Variants in THRB observed in about 807,000 individuals in gnomAD.
THRB encodes nuclear receptor subfamily 1 group A member 2.
In THRB, 12 loss-of-function variants were observed where a neutral mutation model predicts 47.8. That is an observed-to-expected ratio of 0.25 (90% CI 0.16 to 0.41). THRB has a LOEUF of 0.41. THRB is among the 10% of genes least tolerant of loss of function. The pLI is 1.00. For synonymous variants in THRB, 218 were observed against 212.2 expected, an observed-to-expected ratio of 1.03 and a Z score of -0.24; for missense variants, 348 against 589.2, an observed-to-expected ratio of 0.59 and a Z score of 4.24.
intron 4 of THRB, among the ~76,000 whole-genome samples, chr3:24,205,951 C>A (rs1366000706): frequency 2.0e-5 from 3 of 152,196 alleles, no homozygotes; most frequent in Non-Finnish European, 4.4e-5. Context: ...GAAGAGCTAA[C>A]TATCCTAAAT....
At chr3:24,269,375 A>T in intron 3 of THRB, among the ~76,000 whole-genome samples, 1 of 125,668 alleles carries the variant, frequency 8.0e-6, no homozygotes, top group Non-Finnish European at 1.6e-5. Flanking sequence ...ATCATAGCTC[A>T]TCATAGCTCA....
intron 1 of THRB, among the ~76,000 whole-genome samples, chr3:24,423,758 G>A (rs1465613560): frequency 6.6e-6 from 1 of 151,590 alleles, no homozygotes; most frequent in Non-Finnish European, 1.5e-5. Context: ...ACTTTTTATG[G>A]CCATCTATTT....
chr3:24,480,613 G>A (rs559616640), intron 1 of THRB, among the ~76,000 whole-genome samples: 24 of 152,132 alleles, frequency 1.6e-4, no homozygotes, highest in African/African-American at 7.2e-5. Context: ...ATAATTCTAA[G>A]AGGCAAAGAG....
intron 2 of THRB, among the ~76,000 whole-genome samples, chr3:24,299,523 A>G (rs1245416900): frequency 1.3e-5 from 2 of 151,934 alleles, no homozygotes; most frequent in African/African-American, 4.8e-5. Context: ...TATCCTATAC[A>G]ATATGCAAAA....
chr3:24,270,637 G>A (rs565725316), intron 3 of THRB, among the ~76,000 whole-genome samples: 20 of 152,322 alleles, frequency 1.3e-4, no homozygotes, highest in Admixed American at 2.0e-4. Context: ...GCTAACGGGG[G>A]TCAGTTCATC....
rs2037098297 is a variant in THRB at position 24,152,373 on chromosome 3, G to C, written c.384+17C>G. 3 of 1,512,448 alleles carry C rather than the reference G, an allele frequency of 2.0e-6. No homozygotes were observed. The highest frequency in any genetic ancestry group is 2.7e-5 in the African/African-American group (2 of 72,962). The allele number at this position is 1,512,448 out of a possible 1,614,324, so 93.7% of individuals were successfully genotyped here. A position where few individuals can be genotyped will look rare whatever the true frequency, so the allele number is the denominator to read the frequency against. ...GAGCTGGGCTAAGCTCTGTGCTTGT[G>C]GACCCAGGGCAATTACCTTGCAGCC... On this transcript the variant is annotated intron_variant, in intron 6 of 10. Coordinates refer to ENST00000646209, the MANE Select transcript of THRB (RefSeq NM_001354712.2).
intron 1 of THRB, among the ~76,000 whole-genome samples, chr3:24,415,319 G>T (rs2068647481): frequency 6.6e-6 from 1 of 151,792 alleles, no homozygotes; most frequent in Non-Finnish European, 1.5e-5. Context: ...CTTCATATCT[G>T]ATCCAAGAAT....
intron 1 of THRB, among the ~76,000 whole-genome samples, chr3:24,360,924 C>T (rs967343809): frequency 1.3e-5 from 2 of 152,108 alleles, no homozygotes; most frequent in African/African-American, 2.4e-5. Flanking sequence ...GCTCGAACAT[C>T]AGTATTTTTG....
chr3:24,271,701 A>C (rs1209335746), intron 3 of THRB, among the ~76,000 whole-genome samples: 2 of 152,128 alleles, frequency 1.3e-5, no homozygotes, highest in Non-Finnish European at 2.9e-5. Flanking sequence ...CTCATAGCCT[A>C]ATTTCTTAAT....
At chr3:24,206,911 A>G (rs1040912931) in intron 4 of THRB, among the ~76,000 whole-genome samples, 1 of 152,210 alleles carries the variant, frequency 6.6e-6, no homozygotes, top group Non-Finnish European at 1.5e-5. Context: ...AAATGGATAA[A>G]TTCCTGGACA....
At chr3:24,286,843 T>C (rs964032644) in intron 3 of THRB, among the ~76,000 whole-genome samples, 1 of 152,210 alleles carries the variant, frequency 6.6e-6, no homozygotes, top group African/African-American at 2.4e-5. Context: ...GAGAAGGGCA[T>C]GTGCTACATT....
chr3:24,464,877 C>T (rs1021312262), intron 1 of THRB, among the ~76,000 whole-genome samples: 1 of 152,232 alleles, frequency 6.6e-6, no homozygotes, highest in Non-Finnish European at 1.5e-5. Flanking sequence ...TTATTACTTA[C>T]AGTTCCCTCT....
At chr3:24,337,634 A>G (rs984395687) in intron 1 of THRB, among the ~76,000 whole-genome samples, 17 of 152,184 alleles carry the variant, frequency 1.1e-4, no homozygotes, top group Admixed American at 9.8e-4. Context: ...AGAGATGTAC[A>G]TTTCTGTGGA....
At chr3:24,264,354 T>TAAAA (rs1014043192) in intron 3 of THRB, among the ~76,000 whole-genome samples, 1 of 152,094 alleles carries the variant, frequency 6.6e-6, no homozygotes, top group Non-Finnish European at 1.5e-5. Context: ...CCTTGGTGCT[T>TAAAA]AAAAAAATAA....
chr3:24,342,538 A>G (rs998434868), intron 1 of THRB, among the ~76,000 whole-genome samples: 12 of 152,218 alleles, frequency 7.9e-5, no homozygotes, highest in South Asian at 4.2e-4. Flanking sequence ...GAGAGTGGAG[A>G]AGAAATACCC....
At position 24,121,561 on chromosome 3, in the gene THRB, A is replaced by G. The variant is rs1434311476; in HGVS notation, c.*1323T>C. On this transcript the variant is annotated 3_prime_UTR_variant, in exon 11 of 11. Coordinates refer to ENST00000646209, the MANE Select transcript of THRB (RefSeq NM_001354712.2). ...TTTTCTGGGCACAAGCTATTCTAGC[A>G]TGGGCCGTTGGGGAGGCAGGTTGGG... The G allele has an allele frequency of 1.3e-5, 2 of 152,664 alleles. No individual in the cohort carries two copies. The highest frequency in any genetic ancestry group is 1.9e-4 in the East Asian group (1 of 5,206). 9.5% of individuals were successfully genotyped at this position (152,664 alleles called of 1,614,324 possible).
rs1342507332 is a variant in THRB, at chr3:24,143,713, G to A, written c.533-7C>T. 1.2e-6 allele frequency: 2 copies of A among 1,614,000 alleles called. No individual in the cohort carries two copies. ...TTGCTGTCATCCAGCACCACTGGGA[G>A]GGGGAGAAAGATGAGACAAGGCACA... On this transcript the variant is annotated splice_polypyrimidine_tract_variant and splice_region_variant and intron_variant, in intron 7 of 10. Transcript: ENST00000646209.
intron 1 of THRB, among the ~76,000 whole-genome samples, chr3:24,341,641 T>C (rs1201853612): frequency 6.6e-6 from 1 of 152,196 alleles, no homozygotes; most frequent in Non-Finnish European, 1.5e-5. Flanking sequence ...TTCCTCTCAC[T>C]GAAGAGGTTA....
chr3:24,162,390 T>C (rs1274393727), intron 5 of THRB, among the ~76,000 whole-genome samples: 1 of 152,198 alleles, frequency 6.6e-6, no homozygotes, highest in Non-Finnish European at 1.5e-5. Flanking sequence ...TTCACAGCTA[T>C]GTCACTAGAA....
Sources: gnomAD v4.1 joint callset for allele counts (sites outside exome capture counted in the v4.1 genomes callset) on GRCh38, gnomAD v4.1.1 for gene constraint, MANE v1.5 for transcripts, NCBI Gene and HGNC (gene_info 2026-07-23, HGNC 2026-07-21) for gene names.